Variants in CNIH3 observed in about 807,000 individuals in gnomAD.
The protein encoded by CNIH3 is cornichon family AMPA receptor auxiliary protein 3, also known as protein cornichon homolog 3.
In CNIH3, 14 loss-of-function variants were observed where a neutral mutation model predicts 24.1. The observed-to-expected ratio is 0.58, with a 90% CI of 0.38 to 0.91. CNIH3 has a LOEUF of 0.91. Ranked by LOEUF, CNIH3 falls within the 40% of genes least tolerant of loss-of-function variation. The pLI, the probability that CNIH3 is intolerant of heterozygous loss-of-function variation, is 0.00. For missense variants in CNIH3, 178 were observed against 196.8 expected (o/e 0.90, Z 0.57); for synonymous variants, 68 against 73.8 (o/e 0.92, Z 0.40).
upstream of CNIH3, among the ~76,000 whole-genome samples, chr1:224,614,686 C>T (rs772941497): frequency 6.6e-6 from 1 of 151,806 alleles, no homozygotes; most frequent in Non-Finnish European, 1.5e-5. Context: ...CGGTGGCTCA[C>T]GCCTGTAATC....
At chr1:224,553,758 T>A (rs77253581) in intron 3 of CNIH3, among the ~76,000 whole-genome samples, 3 of 148,940 alleles carry the variant, frequency 2.0e-5, no homozygotes, top group Admixed American at 6.7e-5. Context: ...TTTTTTTTTT[T>A]AATACAAGTG....
intron 1 of CNIH3, among the ~76,000 whole-genome samples, chr1:224,643,034 A>G (rs190194616): frequency 5.3e-5 from 8 of 152,198 alleles, no homozygotes; most frequent in South Asian, 4.1e-4. Flanking sequence ...GCCTGTGTCA[A>G]CCAGCTAAGA....
chr1:224,540,998 C>G (rs1679491531), downstream of CNIH3, among the ~76,000 whole-genome samples: 1 of 151,994 alleles, frequency 6.6e-6, no homozygotes, highest in Non-Finnish European at 1.5e-5. Context: ...AGGTGGGTAC[C>G]CAGATTAGCC....
chr1:224,460,847 A>G (rs1675880961), intron 1 of CNIH3, among the ~76,000 whole-genome samples: 1 of 150,530 alleles, frequency 6.6e-6, no homozygotes, highest in African/African-American at 2.4e-5. Flanking sequence ...ATGGCTCACT[A>G]TGGCCTTAAA....
intron 4 of CNIH3, among the ~76,000 whole-genome samples, chr1:224,582,769 G>A (rs1238770723): frequency 2.6e-5 from 4 of 152,134 alleles, no homozygotes; most frequent in African/African-American, 9.7e-5. Context: ...ATACTAAGAT[G>A]GTCAGGTCTA....
intron 5 of CNIH3, among the ~76,000 whole-genome samples, chr1:224,587,849 G>A (rs1681575836): frequency 6.6e-6 from 1 of 151,976 alleles, no homozygotes. Context: ...GGCCAAGGTG[G>A]GAGGATTGCT....
chr1:224,652,263 G>A (rs943492664), intron 1 of CNIH3, among the ~76,000 whole-genome samples: 3 of 152,000 alleles, frequency 2.0e-5, no homozygotes, highest in Non-Finnish European at 4.4e-5. Flanking sequence ...TCTATATGGC[G>A]AACTGGGGTA....
chr1:224,470,084 T>C (rs1035625564), intron 1 of CNIH3, among the ~76,000 whole-genome samples: 3 of 151,516 alleles, frequency 2.0e-5, no homozygotes, highest in East Asian at 1.9e-4. Context: ...AGTGGCGCGA[T>C]CTCGGCTCAC....
intron 3 of CNIH3, among the ~76,000 whole-genome samples, chr1:224,728,013 A>G (rs1042305232): frequency 7.9e-5 from 12 of 152,338 alleles, no homozygotes; most frequent in African/African-American, 2.9e-4. Flanking sequence ...AGCCTCCACA[A>G]TAAATCAAGC....
At chr1:224,437,743 T>A (rs1478967049) in intron 1 of CNIH3, among the ~76,000 whole-genome samples, 1 of 152,224 alleles carries the variant, frequency 6.6e-6, no homozygotes, top group Non-Finnish European at 1.5e-5. Context: ...TTTGTTTCAA[T>A]GACAGACACA....
chr1:224,651,141 T>C (rs1262691815), intron 1 of CNIH3, among the ~76,000 whole-genome samples: 2 of 152,140 alleles, frequency 1.3e-5, no homozygotes, highest in Non-Finnish European at 2.9e-5. Context: ...CAGCAGTTTC[T>C]ATGATGTAGT....
At chr1:224,488,627 G>A (rs753678904) in intron 1 of CNIH3, among the ~76,000 whole-genome samples, 2 of 151,954 alleles carry the variant, frequency 1.3e-5, no homozygotes, top group African/African-American at 2.4e-5. Flanking sequence ...CACCATGCCC[G>A]GCTAATTTTT....
chr1:224,630,482 G>A (rs1683764999), intron 1 of CNIH3, among the ~76,000 whole-genome samples: 1 of 152,064 alleles, frequency 6.6e-6, no homozygotes, highest in African/African-American at 2.4e-5. Flanking sequence ...TTTGTAAAAA[G>A]GTAGTTTCTC....
chr1:224,570,414 C>T lies in CNIH3; in HGVS notation n.516+4150C>T, dbSNP rs940347901. ...GCTCCCACTTATAAGTGAGAACATG[C>T]GATATTCGGTTTTCTGTTTCTGCAT... On this transcript the variant is annotated intron_variant and non_coding_transcript_variant, in intron 4 of 5. Coordinates refer to the CNIH3 transcript ENST00000471578. Among the ~76,000 whole-genome samples, 9 of 152,248 alleles carry T rather than the reference C, an allele frequency of 5.9e-5. No homozygotes were observed. In the East Asian group the frequency reaches 7.7e-4, roughly 13 times the overall value.
chr1:224,693,820 G>A (rs993870488), intron 3 of CNIH3, among the ~76,000 whole-genome samples: 1 of 152,210 alleles, frequency 6.6e-6, no homozygotes, highest in African/African-American at 2.4e-5. Context: ...AGTGGAACTG[G>A]TGGTTTCTAA....
intron 1 of CNIH3, among the ~76,000 whole-genome samples, chr1:224,648,538 C>T (rs185234149): frequency 1.5e-4 from 23 of 152,182 alleles, no homozygotes; most frequent in Middle Eastern, 6.8e-3. Flanking sequence ...ATGTCTGTTT[C>T]GTGCCAGGTA....
At chr1:224,562,718 C>A (rs1680422610) in intron 3 of CNIH3, among the ~76,000 whole-genome samples, 1 of 152,004 alleles carries the variant, frequency 6.6e-6, no homozygotes, top group African/African-American at 2.4e-5. Context: ...TTTAAAAGAG[C>A]ATGACACCCC....
chr1:224,453,398 GGCTGGTCTT>G (rs1675511400), intron 1 of CNIH3, among the ~76,000 whole-genome samples: 1 of 151,604 alleles, frequency 6.6e-6, no homozygotes, highest in South Asian at 2.1e-4. Context: ...GTGTTGCCCA[GGCTGGTCTT>G]GAACTCCTAG....
chr1:224,493,310 A>AT (rs1677307321), intron 1 of CNIH3, among the ~76,000 whole-genome samples: 1 of 152,176 alleles, frequency 6.6e-6, no homozygotes, highest in African/African-American at 2.4e-5. Flanking sequence ...TTTGCAAGTC[A>AT]TTTTTTGGCT....
Sources: allele counts gnomAD v4.1 joint callset (sites outside exome capture counted in the v4.1 genomes callset), GRCh38; gene constraint gnomAD v4.1.1; transcripts MANE v1.5; gene names NCBI Gene and HGNC (gene_info 2026-07-23, HGNC 2026-07-21).